The following TUSC3 variants were observed in gnomAD, a reference collection of about 807,000 sequenced individuals.
The protein encoded by TUSC3 is dolichyl-diphosphooligosaccharide--protein glycosyltransferase subunit TUSC3.
A neutral mutation model predicts 44.8 loss-of-function variants in TUSC3; 45 were observed. That is an observed-to-expected ratio of 1.00 (90% CI 0.79 to 1.29). The LOEUF is 1.29. Among genes scored for constraint, TUSC3 ranks in the 50% most tolerant of loss-of-function variants. TUSC3 has a pLI of 0.00. For synonymous variants in TUSC3, 212 were observed against 152.9 expected (o/e 1.39, Z -2.85); for missense variants, 519 against 437.9 (o/e 1.19, Z -1.65).
chr8:15,815,982 G>T, the TUSC3 span, among the ~76,000 whole-genome samples: 3 of 152,090 alleles, frequency 2.0e-5, no homozygotes, highest in African/African-American at 7.2e-5. Context: ...GCTTTTTCTG[G>T]CAGGGTTGTC....
intron 2 of TUSC3, among the ~76,000 whole-genome samples, chr8:15,498,209 G>A (rs1800910024): frequency 6.6e-6 from 1 of 152,130 alleles, no homozygotes; most frequent in African/African-American, 2.4e-5. Flanking sequence ...TAGGAATGTA[G>A]GTTTTAACCT....
At chr8:15,455,002 G>T (rs1416131707) in intron 1 of TUSC3, among the ~76,000 whole-genome samples, 1 of 152,128 alleles carries the variant, frequency 6.6e-6, no homozygotes, top group South Asian at 2.1e-4. Context: ...AGAAAACCAT[G>T]GGGAATCTTA....
intron 6 of TUSC3, among the ~76,000 whole-genome samples, chr8:15,729,936 T>C (rs1810649053): frequency 6.6e-6 from 1 of 152,148 alleles, no homozygotes; most frequent in South Asian, 2.1e-4. Context: ...ATAAATGATG[T>C]AAAAGTTGAG....
At chr8:15,558,793 T>C (rs1279240089) in intron 1 of TUSC3, among the ~76,000 whole-genome samples, 2 of 143,990 alleles carry the variant, frequency 1.4e-5, no homozygotes, top group Admixed American at 7.0e-5. Flanking sequence ...TTTATTTGCA[T>C]AGAGGTGTTT....
chr8:15,714,973 A>C (rs972774499), intron 6 of TUSC3, among the ~76,000 whole-genome samples: 3 of 152,194 alleles, frequency 2.0e-5, no homozygotes, highest in Non-Finnish European at 4.4e-5. Context: ...CGGTAACAGC[A>C]TGAAATTGCA....
At chr8:15,593,572 C>T (rs945277945) in intron 1 of TUSC3, among the ~76,000 whole-genome samples, 10 of 151,932 alleles carry the variant, frequency 6.6e-5, no homozygotes, top group Non-Finnish European at 8.8e-5. Context: ...AAAGTTGAAA[C>T]CATTTGAGTT....
chr8:15,704,669 C>G (rs542698933), intron 6 of TUSC3, among the ~76,000 whole-genome samples: 1 of 152,090 alleles, frequency 6.6e-6, no homozygotes, highest in East Asian at 1.9e-4. Context: ...TCTTTCCTAA[C>G]CCACTGCCCC....
intron 1 of TUSC3, among the ~76,000 whole-genome samples, chr8:15,451,888 C>G (rs772879651): frequency 2.6e-5 from 4 of 152,066 alleles, no homozygotes; most frequent in East Asian, 1.9e-4. Flanking sequence ...ATTTTGGTGA[C>G]CAGAAGTGTT....
intron 2 of TUSC3, among the ~76,000 whole-genome samples, chr8:15,496,725 G>T (rs573414136): frequency 2.0e-5 from 3 of 152,250 alleles, no homozygotes; most frequent in Non-Finnish European, 4.4e-5. Flanking sequence ...AAGCAAAGGA[G>T]TGTGGGTCAT....
chr8:15,453,779 C>A (rs907570168), intron 1 of TUSC3, among the ~76,000 whole-genome samples: 1 of 152,276 alleles, frequency 6.6e-6, no homozygotes, highest in East Asian at 1.9e-4. Flanking sequence ...CCCCTACCCA[C>A]AACCAGGAAT....
chr8:15,753,436 ATATAG>A (rs1811790682), intron 9 of TUSC3, among the ~76,000 whole-genome samples: 1 of 152,080 alleles, frequency 6.6e-6, no homozygotes, highest in South Asian at 2.1e-4. Flanking sequence ...TCTCAGGTTT[ATATAG>A]TATAACTGTT....
chr8:15,459,721 T>A (rs898619325), intron 1 of TUSC3, among the ~76,000 whole-genome samples: 1 of 152,186 alleles, frequency 6.6e-6, no homozygotes, highest in Admixed American at 6.5e-5. Flanking sequence ...GATATGATGT[T>A]TGATTTTTCC....
intron 3 of TUSC3, among the ~76,000 whole-genome samples, chr8:15,653,989 A>C (rs1170246682): frequency 6.6e-6 from 1 of 152,144 alleles, no homozygotes; most frequent in Non-Finnish European, 1.5e-5. Context: ...ATCTGATGAT[A>C]GGCTAGTGGG....
intron 2 of TUSC3, among the ~76,000 whole-genome samples, chr8:15,493,002 C>T (rs1308851716): frequency 6.6e-6 from 1 of 151,890 alleles, no homozygotes; most frequent in East Asian, 1.9e-4. Flanking sequence ...CAAATAAATA[C>T]ATAGACAAAA....
intron 7 of TUSC3, among the ~76,000 whole-genome samples, chr8:15,735,931 T>C (rs1380379549): frequency 6.6e-6 from 1 of 151,626 alleles, no homozygotes; most frequent in Non-Finnish European, 1.5e-5. Context: ...GGTTTCACTG[T>C]GTTAGCCAGG....
At chr8:15,733,351 GTTTTTT>G (rs35411856) in intron 7 of TUSC3, 3 of 353,508 alleles carry the variant, frequency 8.5e-6, no homozygotes, top group East Asian at 9.6e-5. Context: ...GCTTCTTTTT[GTTTTTT>G]TTTTTTTCCT....
intron 1 of TUSC3, among the ~76,000 whole-genome samples, chr8:15,616,314 A>G (rs1804984852): frequency 6.6e-6 from 1 of 152,230 alleles, no homozygotes; most frequent in Non-Finnish European, 1.5e-5. Context: ...GTGGTGGCTC[A>G]CGCCAGTAAT....
chr8:15,836,380 G>T, the TUSC3 span, among the ~76,000 whole-genome samples: 1 of 151,196 alleles, frequency 6.6e-6, no homozygotes, highest in African/African-American at 2.4e-5. Context: ...CGGATGCTGA[G>T]GCAGCAGAAT....
rs1231155559 is a variant in TUSC3 at position 15,487,127 on chromosome 8, T to G, written n.189+3644T>G. ...CATTGCCTATTAAATTTGAGGAATA[T>G]TTTCCTGTTTGTTTGTTTAGTTTTA... On this transcript the variant is annotated intron_variant and non_coding_transcript_variant, in intron 2 of 5. Coordinates refer to the TUSC3 transcript ENST00000503191. Among the ~76,000 whole-genome samples the G allele has an allele frequency of 2.6e-5, 4 of 152,316 alleles. No homozygotes were observed. The East Asian group carries it at 7.7e-4, about 29-fold the overall frequency.
Sources: allele counts gnomAD v4.1 joint callset (sites outside exome capture counted in the v4.1 genomes callset), GRCh38; gene constraint gnomAD v4.1.1; transcripts MANE v1.5; gene names NCBI Gene and HGNC (gene_info 2026-07-23, HGNC 2026-07-21).